NHSL1: variants seen among roughly 807,000 people sequenced by gnomAD.
NHSL1 encodes the protein NHS like 1, also known as NHS-like protein 1.
NHSL1 carries 48 observed loss-of-function variants against 95.0 expected under a neutral mutation model. The observed-to-expected ratio is 0.51, with a 90% CI of 0.40 to 0.64. The LOEUF (loss-of-function observed/expected upper bound fraction) is 0.64, where lower values mean the gene tolerates loss of function less well. NHSL1 is among the 30% of genes least tolerant of loss of function. The pLI is 0.00. For synonymous variants in NHSL1, 783 were observed against 833.9 expected (o/e 0.94, Z 1.05); for missense variants, 1,971 against 2,077.7 (o/e 0.95, Z 1.00).
intron 1 of NHSL1, among the ~76,000 whole-genome samples, chr6:138,506,680 T>A (rs1780978695): frequency 6.6e-6 from 1 of 152,170 alleles, no homozygotes; most frequent in South Asian, 2.1e-4. Flanking sequence ...TTATCTAAGG[T>A]CATAGAATAG....
At chr6:138,578,337 C>T (rs1417122991) in intron 1 of NHSL1, among the ~76,000 whole-genome samples, 3 of 152,160 alleles carry the variant, frequency 2.0e-5, no homozygotes, top group Admixed American at 6.5e-5. Flanking sequence ...GCTCTCAGTC[C>T]CCTAAGGTGC....
intron 1 of NHSL1, among the ~76,000 whole-genome samples, chr6:138,587,058 C>T (rs578084185): frequency 1.5e-4 from 22 of 151,536 alleles, no homozygotes; most frequent in Non-Finnish European, 2.5e-4. Flanking sequence ...CTGCAACCTC[C>T]GCCCCCTAGG....
chr6:138,676,166 G>C (rs927099749), intron 1 of NHSL1, among the ~76,000 whole-genome samples: 1 of 152,116 alleles, frequency 6.6e-6, no homozygotes, highest in Admixed American at 6.5e-5. Context: ...CACCATTTTA[G>C]AGAACATGCT....
intron 4 of NHSL1, among the ~76,000 whole-genome samples, chr6:138,442,789 A>T (rs1305370249): frequency 1.3e-5 from 2 of 152,218 alleles, no homozygotes; most frequent in African/African-American, 2.4e-5. Context: ...CTTAATTCAG[A>T]CATTTCAAGT....
intron 2 of NHSL1, among the ~76,000 whole-genome samples, chr6:138,477,426 C>T (rs546547095): frequency 8.7e-4 from 132 of 152,176 alleles, no homozygotes; most frequent in African/African-American, 3.0e-3. Flanking sequence ...ATAATGAGAC[C>T]GCATTTCTAG....
At chr6:138,504,873 T>C (rs971063586) in intron 1 of NHSL1, among the ~76,000 whole-genome samples, 1 of 152,242 alleles carries the variant, frequency 6.6e-6, no homozygotes, top group South Asian at 2.1e-4. Context: ...CTTGGTTTTA[T>C]CAGCCTATGT....
intron 1 of NHSL1, among the ~76,000 whole-genome samples, chr6:138,581,593 G>A (rs1432375248): frequency 1.3e-5 from 2 of 150,334 alleles, no homozygotes; most frequent in African/African-American, 2.5e-5. Flanking sequence ...TTGGGAGGCA[G>A]AGGCAGGAGA....
chr6:138,521,318 T>G (rs925173603), intron 1 of NHSL1, among the ~76,000 whole-genome samples: 3 of 151,984 alleles, frequency 2.0e-5, no homozygotes, highest in African/African-American at 2.4e-5. Flanking sequence ...ATAAAAAAAT[T>G]CACTGGGACT....
intron 1 of NHSL1, among the ~76,000 whole-genome samples, chr6:138,529,944 A>C (rs1429623603): frequency 6.6e-6 from 1 of 152,168 alleles, no homozygotes; most frequent in Non-Finnish European, 1.5e-5. Context: ...CAGGGGTAAA[A>C]ATTTTTGCCT....
intron 7 of NHSL1, among the ~76,000 whole-genome samples, chr6:138,429,357 A>G (rs1269790616): frequency 6.6e-6 from 1 of 152,196 alleles, no homozygotes; most frequent in Non-Finnish European, 1.5e-5. Flanking sequence ...AGTCCACAGA[A>G]CATAGCATTC....
upstream of NHSL1, among the ~76,000 whole-genome samples, chr6:138,549,718 A>C (rs1782930688): frequency 6.6e-6 from 1 of 152,282 alleles, no homozygotes; most frequent in African/African-American, 2.4e-5. Flanking sequence ...TTTTCTTTTA[A>C]ATCGTCTTCA....
At chr6:138,674,480 G>A (rs1053078824) in intron 1 of NHSL1, among the ~76,000 whole-genome samples, 6 of 151,892 alleles carry the variant, frequency 4.0e-5, no homozygotes, top group African/African-American at 9.7e-5. Flanking sequence ...GCCCTCCCTC[G>A]CACCACAGGC....
At chr6:138,651,446 G>C (rs1269845428) in intron 1 of NHSL1, among the ~76,000 whole-genome samples, 1 of 152,154 alleles carries the variant, frequency 6.6e-6, no homozygotes, top group Non-Finnish European at 1.5e-5. Context: ...ATCATTTTAA[G>C]TTATGACACA....
At chr6:138,652,432 C>T (rs868219578) in intron 1 of NHSL1, among the ~76,000 whole-genome samples, 2 of 143,278 alleles carry the variant, frequency 1.4e-5, no homozygotes, top group Admixed American at 1.4e-4. Context: ...AAGAGTGAAA[C>T]TCTATCTCAA....
intron 2 of NHSL1, among the ~76,000 whole-genome samples, chr6:138,476,211 A>C (rs1047397262): frequency 3.3e-5 from 5 of 152,218 alleles, no homozygotes; most frequent in African/African-American, 1.2e-4. Flanking sequence ...TTATCACAGC[A>C]CTATTCACAA....
intron 1 of NHSL1, among the ~76,000 whole-genome samples, chr6:138,558,737 A>G (rs1783297096): frequency 6.6e-6 from 1 of 152,168 alleles, no homozygotes; most frequent in Non-Finnish European, 1.5e-5. Flanking sequence ...CAGTTTTTAC[A>G]GTAACTGTTT....
chr6:138,565,847 C>T (rs535215513), intron 1 of NHSL1, among the ~76,000 whole-genome samples: 14 of 150,414 alleles, frequency 9.3e-5, no homozygotes, highest in African/African-American at 2.7e-4. Flanking sequence ...GGAGGCTGAG[C>T]GGGGAGGATC....
intron 1 of NHSL1, among the ~76,000 whole-genome samples, chr6:138,496,908 T>C (rs1478606910): frequency 6.6e-6 from 1 of 152,250 alleles, no homozygotes; most frequent in African/African-American, 2.4e-5. Context: ...ACATTCAATT[T>C]ACATGTAAAT....
chr6:138,524,139 C>T (rs1439173943), intron 1 of NHSL1, among the ~76,000 whole-genome samples: 2 of 152,186 alleles, frequency 1.3e-5, no homozygotes, highest in African/African-American at 4.8e-5. Flanking sequence ...CTCCTATTTA[C>T]CTCTGAAGAA....
Sources: gnomAD v4.1 joint callset for allele counts (sites outside exome capture counted in the v4.1 genomes callset) on GRCh38, gnomAD v4.1.1 for gene constraint, MANE v1.5 for transcripts, NCBI Gene and HGNC (gene_info 2026-07-23, HGNC 2026-07-21) for gene names.